Variants in BANK1 observed in about 807,000 individuals in gnomAD.
BANK1 encodes B-cell scaffold protein with ankyrin repeats.
BANK1 carries 95 observed loss-of-function variants against 94.5 expected under a neutral mutation model. The ratio of observed to expected loss-of-function variants is 1.00; its 90% CI spans 0.85 to 1.19. The LOEUF (loss-of-function observed/expected upper bound fraction) is 1.19. BANK1 is among the 50% of genes most tolerant of loss of function. The pLI is 0.00. For synonymous variants in BANK1, 334 were observed against 308.4 expected, an observed-to-expected ratio of 1.08 and a Z score of -0.87; for missense variants, 987 against 932.2, an observed-to-expected ratio of 1.06 and a Z score of -0.77.
At chr4:101,988,064 A>C (rs1194305315) in intron 7 of BANK1, among the ~76,000 whole-genome samples, 3 of 152,170 alleles carry the variant, frequency 2.0e-5, no homozygotes, top group African/African-American at 4.8e-5. Flanking sequence ...GCAAGGAATA[A>C]ATACTTCTTG....
intron 7 of BANK1, among the ~76,000 whole-genome samples, chr4:101,961,255 A>G: frequency 6.6e-6 from 1 of 152,222 alleles, no homozygotes; most frequent in East Asian, 1.9e-4. Flanking sequence ...GTGGACACAC[A>G]TGTTTAATAA....
chr4:101,884,916 G>C (rs1728796757), intron 5 of BANK1, among the ~76,000 whole-genome samples: 1 of 151,916 alleles, frequency 6.6e-6, no homozygotes, highest in Non-Finnish European at 1.5e-5. Flanking sequence ...GTTTTGTTTT[G>C]TTTTTTTCTG....
At chr4:102,031,031 A>T (rs536156291) in intron 10 of BANK1, among the ~76,000 whole-genome samples, 1 of 152,210 alleles carries the variant, frequency 6.6e-6, no homozygotes, top group African/African-American at 2.4e-5. Context: ...TTCCACAATG[A>T]TTGAACTAAT....
At chr4:102,035,518 G>T (rs552904036) in intron 10 of BANK1, among the ~76,000 whole-genome samples, 82 of 152,050 alleles carry the variant, frequency 5.4e-4, no homozygotes, top group African/African-American at 1.8e-3. Flanking sequence ...CATGGTGGCG[G>T]GTGCCTGTAG....
At chr4:102,038,071 C>A (rs575589382) in intron 10 of BANK1, among the ~76,000 whole-genome samples, 2 of 152,226 alleles carry the variant, frequency 1.3e-5, no homozygotes, top group South Asian at 4.1e-4. Flanking sequence ...TTGGAATTTT[C>A]AATCTGCATT....
chr4:101,927,554 C>T (rs560637107), intron 7 of BANK1, among the ~76,000 whole-genome samples: 1 of 151,666 alleles, frequency 6.6e-6, no homozygotes, highest in Admixed American at 6.6e-5. Flanking sequence ...TAAAAAGATG[C>T]TAGTTTCCAC....
At chr4:101,836,034 C>T (rs1726811317) in intron 2 of BANK1, among the ~76,000 whole-genome samples, 1 of 152,098 alleles carries the variant, frequency 6.6e-6, no homozygotes, top group South Asian at 2.1e-4. Context: ...CATGTCATAT[C>T]GTTTCTGCTT....
intron 10 of BANK1, among the ~76,000 whole-genome samples, chr4:102,034,041 T>C (rs998554819): frequency 1.8e-4 from 28 of 152,106 alleles, no homozygotes; most frequent in Non-Finnish European, 2.9e-4. Flanking sequence ...CCTTTTTTTT[T>C]TCCCCTAGCT....
chr4:102,008,213 G>A (rs1726368821), intron 7 of BANK1, among the ~76,000 whole-genome samples: 1 of 152,096 alleles, frequency 6.6e-6, no homozygotes, highest in South Asian at 2.1e-4. Context: ...TTGAATCTCT[G>A]CTTTATATAC....
chr4:101,846,720 T>G (rs554745643), intron 2 of BANK1, among the ~76,000 whole-genome samples: 7 of 152,278 alleles, frequency 4.6e-5, no homozygotes, highest in African/African-American at 1.7e-4. Context: ...CTCACTATCA[T>G]GAGAACAGCA....
intron 1 of BANK1, among the ~76,000 whole-genome samples, chr4:101,795,725 G>A (rs1364049949): frequency 6.6e-6 from 1 of 152,122 alleles, no homozygotes; most frequent in East Asian, 1.9e-4. Flanking sequence ...ATTCTCTCAT[G>A]ATTTCTCAGT....
chr4:101,922,896 C>G (rs778706209), intron 7 of BANK1, among the ~76,000 whole-genome samples: 2 of 151,918 alleles, frequency 1.3e-5, no homozygotes, highest in Middle Eastern at 3.4e-3. Flanking sequence ...TTTCTCTTCT[C>G]CAAGTCCTCA....
At chr4:101,907,551 C>A (rs1722496552) in intron 6 of BANK1, among the ~76,000 whole-genome samples, 1 of 152,082 alleles carries the variant, frequency 6.6e-6, no homozygotes, top group Non-Finnish European at 1.5e-5. Context: ...GAAGTTCTGG[C>A]CAGGGCAATC....
chr4:101,861,245 G>A (rs1250758893), intron 3 of BANK1, among the ~76,000 whole-genome samples: 1 of 152,202 alleles, frequency 6.6e-6, no homozygotes, highest in South Asian at 2.1e-4. Flanking sequence ...GTAGATTTTT[G>A]TGTGAGCTGA....
chr4:102,060,242 T>G lies in BANK1; in HGVS notation c.2001T>G (p.Ser667=), dbSNP rs773018761. Residue 667 remains serine (S), a synonymous_variant, in exon 12 of 17, where the codon TCT becomes TCG. Coordinates refer to ENST00000322953, the MANE Select transcript of BANK1 (RefSeq NM_017935.5). ...DRARIESPAF[S]TLRGCLTDGQ... is the part of the protein sequence containing the mutation. ...CTCGGATAGAGAGTCCAGCCTTTTCTACTCTCAGGGGCTGTCTAACTGATG... is the reference window on the plus strand; with the variant it reads ...CTCGGATAGAGAGTCCAGCCTTTTCGACTCTCAGGGGCTGTCTAACTGATG... The G allele has an allele frequency of 1.9e-6, 3 of 1,590,212 alleles. No individual in the cohort carries two copies. In the Admixed American group the frequency reaches 5.8e-5, roughly 31 times the overall value.
intron 7 of BANK1, among the ~76,000 whole-genome samples, chr4:102,010,071 C>G (rs1053208802): frequency 6.6e-6 from 1 of 151,692 alleles, no homozygotes; most frequent in African/African-American, 2.4e-5. Context: ...TCGAGACCAT[C>G]CTGGCTAACA....
At chr4:101,820,255 C>T (rs919458470) in intron 1 of BANK1, among the ~76,000 whole-genome samples, 1 of 152,182 alleles carries the variant, frequency 6.6e-6, no homozygotes, top group African/African-American at 2.4e-5. Context: ...TCCATACATA[C>T]TTTCCAAACT....
intron 7 of BANK1, among the ~76,000 whole-genome samples, chr4:101,984,464 A>G (rs1438220582): frequency 6.6e-6 from 1 of 152,112 alleles, no homozygotes; most frequent in African/African-American, 2.4e-5. Flanking sequence ...GAAAATAAGG[A>G]TATTATCTCA....
At chr4:101,852,637 T>G (rs910171524) in intron 2 of BANK1, among the ~76,000 whole-genome samples, 6 of 151,308 alleles carry the variant, frequency 4.0e-5, no homozygotes, top group African/African-American at 1.5e-4. Flanking sequence ...TAACTTGAAT[T>G]TTTTCAGTTA....
Sources: gnomAD v4.1 joint callset for allele counts (sites outside exome capture counted in the v4.1 genomes callset) on GRCh38, gnomAD v4.1.1 for gene constraint, MANE v1.5 for transcripts, NCBI Gene and HGNC (gene_info 2026-07-23, HGNC 2026-07-21) for gene names.